Variants in ANKFN1 observed in about 807,000 individuals in gnomAD.
ANKFN1 encodes the protein ankyrin repeat and fibronectin type-III domain-containing protein 1.
A neutral mutation model predicts 108.7 loss-of-function variants in ANKFN1; 74 were observed. That is an observed-to-expected ratio of 0.68 (90% CI 0.56 to 0.83). ANKFN1 has a LOEUF of 0.83. Among genes scored for constraint, ANKFN1 ranks in the 40% least tolerant of loss-of-function variants. The probability of loss-of-function intolerance (pLI) is 0.00; values close to 1 mark genes in which losing one functional copy is unlikely to be tolerated. For missense variants in ANKFN1, 1,505 were observed against 1,382.3 expected (o/e 1.09, Z -1.41); for synonymous variants, 547 against 516.2 (o/e 1.06, Z -0.81).
intron 1 of ANKFN1, among the ~76,000 whole-genome samples, chr17:56,203,004 A>T (rs1914192704): frequency 6.6e-6 from 1 of 152,174 alleles, no homozygotes; most frequent in Admixed American, 6.5e-5. Flanking sequence ...TTGTCTTTTT[A>T]GATTTCTGTG....
chr17:56,178,047 C>T (rs1204328621), intron 1 of ANKFN1, among the ~76,000 whole-genome samples: 1 of 152,050 alleles, frequency 6.6e-6, no homozygotes, highest in African/African-American at 2.4e-5. Context: ...AAATTGATTG[C>T]CAGTCTTTTG....
chr17:56,422,997 A>G lies in ANKFN1; in HGVS notation c.911-17330A>G, dbSNP rs148548124. Reference sequence around the variant, plus strand: ...CAGAGTTCTCCAGGGACTGCTGTCAACACAACTGCAGTCAGATGATGGGAC... The same window carrying G: ...CAGAGTTCTCCAGGGACTGCTGTCAGCACAACTGCAGTCAGATGATGGGAC... On this transcript the variant is annotated intron_variant, in intron 8 of 20. Transcript: ENST00000682825. Among the ~76,000 whole-genome samples, 328 of 152,364 alleles carry G rather than the reference A, an allele frequency of 2.2e-3. 1 individual carries two copies. Among genetic ancestry groups the G allele is most frequent in the African/African-American group, 7.7e-3 (320 of 41,580 alleles).
rs1289806985 is a variant in ANKFN1 at position 56,055,562 on chromosome 17, T to TATAC, written c.288+9241_288+9244dup. On this transcript the variant is annotated intron_variant, in intron 4 of 12. Coordinates refer to the ANKFN1 transcript ENST00000635860. ...GTGGTATATGTGTGTGTGTGGTATA[T>TATAC]ATACATATATATATATATATATATA... 1.9e-3 allele frequency among the ~76,000 whole-genome samples: 155 copies of TATAC among 82,636 alleles called. 6 individuals are homozygous for TATAC. In the East Asian group the frequency reaches 0.031, roughly 16 times the overall value. The allele number at this position is 82,636 out of a possible 152,430, so 54.2% of individuals were successfully genotyped here. A position where few individuals can be genotyped will look rare whatever the true frequency, so the allele number is the denominator to read the frequency against.
Position 56,288,660 on chromosome 17 carries a change from A to C in ANKFN1, c.54-37561A>C, listed in dbSNP as rs2044280625. 2.6e-5 allele frequency among the ~76,000 whole-genome samples: 4 copies of C among 152,212 alleles called. No individual in the cohort carries two copies. In the South Asian group the frequency reaches 8.3e-4, roughly 31 times the overall value. ...ACCCTACAAGAGTCCACATAGACCA[A>C]TAACCATGGAAAAATGCTAGGAAAT... is the stretch of plus-strand genomic sequence containing the variant. On this transcript the variant is annotated intron_variant, in intron 3 of 20. Coordinates refer to ENST00000682825, the MANE Select transcript of ANKFN1 (RefSeq NM_001370326.1).
At chr17:56,377,735 G>T (rs2046982637) in intron 8 of ANKFN1, among the ~76,000 whole-genome samples, 3 of 152,130 alleles carry the variant, frequency 2.0e-5, no homozygotes, top group Admixed American at 2.0e-4. Flanking sequence ...GAAAACATTT[G>T]CAAAAGTGAT....
Position 56,372,745 on chromosome 17 carries a change from T to A in ANKFN1, c.701T>A (p.Phe234Tyr), listed in dbSNP as rs1267617720. 10 of 1,613,894 alleles carry A rather than the reference T, an allele frequency of 6.2e-6. No individual in the cohort carries two copies. Among genetic ancestry groups the A allele is most frequent in the Non-Finnish European group, 8.5e-6 (10 of 1,179,978 alleles). ...ELSAQVENEGFTLDNTEKEKQ... is the reference protein window; with the variant it reads ...ELSAQVENEGYTLDNTEKEKQ... ...TCTGCCCAGGTGGAGAATGAAGGATTCACTCTGGACAACACAGAGAAAGAG... is the reference window on the plus strand; with the variant it reads ...TCTGCCCAGGTGGAGAATGAAGGATACACTCTGGACAACACAGAGAAAGAG... Residue 234 changes from phenylalanine to tyrosine, a missense_variant, in exon 7 of 21, where the codon TTC becomes TAC. By Grantham distance (22) the Phe-to-Tyr change is conservative. Transcript: ENST00000682825.
At chr17:56,317,737 C>T (rs2045249280) in intron 3 of ANKFN1, among the ~76,000 whole-genome samples, 1 of 152,144 alleles carries the variant, frequency 6.6e-6, no homozygotes, top group African/African-American at 2.4e-5. Context: ...TGGTGTGTCC[C>T]TGAATGGCCA....
At chr17:56,246,068 G>T (rs563497881) in intron 3 of ANKFN1, among the ~76,000 whole-genome samples, 1 of 152,188 alleles carries the variant, frequency 6.6e-6, no homozygotes, top group South Asian at 2.1e-4. Flanking sequence ...TGCAATCAAA[G>T]TTCCTCCTTT....
chr17:56,450,493 C>T (rs191659954), intron 11 of ANKFN1, among the ~76,000 whole-genome samples: 17 of 152,174 alleles, frequency 1.1e-4, no homozygotes, highest in Admixed American at 5.9e-4. Context: ...AATATGCATG[C>T]AGTAGCTCTG....
At chr17:56,064,849 G>T (rs1009106796) in intron 4 of ANKFN1, among the ~76,000 whole-genome samples, 2 of 152,178 alleles carry the variant, frequency 1.3e-5, no homozygotes, top group Non-Finnish European at 2.9e-5. Context: ...AGGCCCCGGT[G>T]GTGTGGATTC....
chr17:56,451,862 A>G (rs1374532886), intron 11 of ANKFN1, among the ~76,000 whole-genome samples: 2 of 152,224 alleles, frequency 1.3e-5, no homozygotes, highest in Non-Finnish European at 2.9e-5. Context: ...ATGACTCACT[A>G]ACTATACAAC....
intron 6 of ANKFN1, among the ~76,000 whole-genome samples, chr17:56,361,851 A>C (rs1460675787): frequency 1.3e-5 from 2 of 152,116 alleles, no homozygotes; most frequent in Non-Finnish European, 1.5e-5. Context: ...ACTCTATGAC[A>C]TGGCAGTTGG....
chr17:56,398,088 C>T (rs1364284217), intron 8 of ANKFN1, among the ~76,000 whole-genome samples: 1 of 152,126 alleles, frequency 6.6e-6, no homozygotes, highest in African/African-American at 2.4e-5. Context: ...CCTTTTCCCA[C>T]TTTGTAATTT....
chr17:56,151,095 C>T (rs1317494609), upstream of ANKFN1, among the ~76,000 whole-genome samples: 1 of 152,076 alleles, frequency 6.6e-6, no homozygotes, highest in Non-Finnish European at 1.5e-5. Context: ...GAGTGTAGTC[C>T]CATCTCTGCT....
chr17:56,508,256 T>C (rs902080988), intron 20 of ANKFN1, among the ~76,000 whole-genome samples: 1 of 152,200 alleles, frequency 6.6e-6, no homozygotes, highest in Non-Finnish European at 1.5e-5. Flanking sequence ...TTGTCAATTC[T>C]TCAAAATTCT....
chr17:56,089,996 T>C (rs1905382544), intron 4 of ANKFN1, among the ~76,000 whole-genome samples: 2 of 151,454 alleles, frequency 1.3e-5, no homozygotes. Context: ...CATCCATGCT[T>C]ACTGTTGAAA....
At chr17:56,098,701 TAA>T (rs1422220111) in intron 4 of ANKFN1, among the ~76,000 whole-genome samples, 1 of 152,202 alleles carries the variant, frequency 6.6e-6, no homozygotes, top group Non-Finnish European at 1.5e-5. Context: ...TTTAACTGCA[TAA>T]AGAACCTTAG....
At chr17:56,213,271 C>T (rs1423215987) in intron 2 of ANKFN1, among the ~76,000 whole-genome samples, 1 of 152,152 alleles carries the variant, frequency 6.6e-6, no homozygotes, top group East Asian at 1.9e-4. Flanking sequence ...GAAAAGCTGG[C>T]CCCAAGACAG....
At chr17:56,484,028 G>A (rs1166286681) in intron 18 of ANKFN1, among the ~76,000 whole-genome samples, 1 of 152,196 alleles carries the variant, frequency 6.6e-6, no homozygotes, top group African/African-American at 2.4e-5. Flanking sequence ...ATGGAGGGAA[G>A]GGTATCTGAT....
Sources: allele counts gnomAD v4.1 joint callset (sites outside exome capture counted in the v4.1 genomes callset), GRCh38; gene constraint gnomAD v4.1.1; transcripts MANE v1.5; gene names NCBI Gene and HGNC (gene_info 2026-07-23, HGNC 2026-07-21).